DDX42: variants seen among roughly 807,000 people sequenced by gnomAD.
DDX42 encodes DEAD-box helicase 42, also known as ATP-dependent RNA helicase DDX42.
A neutral mutation model predicts 101.5 loss-of-function variants in DDX42; 22 were observed. That is an observed-to-expected ratio of 0.22 (90% CI 0.15 to 0.31). The LOEUF (loss-of-function observed/expected upper bound fraction) is 0.31, where lower values mean the gene tolerates loss of function less well. DDX42 is among the 10% of genes least tolerant of loss of function. The pLI is 1.00. For synonymous variants in DDX42, 402 were observed against 401.2 expected (o/e 1.00, Z -0.02); for missense variants, 849 against 1,199.9 (o/e 0.71, Z 4.32).
At chr17:63,779,013 T>C (rs891346264) in intron 1 of DDX42, among the ~76,000 whole-genome samples, 5 of 152,070 alleles carry the variant, frequency 3.3e-5, no homozygotes, top group Non-Finnish European at 7.4e-5. Context: ...AAATCATCAG[T>C]GGTTATTGGT....
At chr17:63,778,343 C>A (rs565995088) in intron 1 of DDX42, among the ~76,000 whole-genome samples, 1 of 152,234 alleles carries the variant, frequency 6.6e-6, no homozygotes, top group Non-Finnish European at 1.5e-5. Context: ...ATTCTTGGGA[C>A]AGTAGTCAGG....
intron 2 of DDX42, among the ~76,000 whole-genome samples, chr17:63,790,119 C>T (rs973590955): frequency 7.2e-5 from 11 of 151,988 alleles, no homozygotes; most frequent in African/African-American, 2.7e-4. Context: ...TGCACATCAG[C>T]CTGTATGTCA....
At chr17:63,780,938 A>G (rs1429047092) in intron 1 of DDX42, among the ~76,000 whole-genome samples, 1 of 151,972 alleles carries the variant, frequency 6.6e-6, no homozygotes, top group Non-Finnish European at 1.5e-5. Context: ...TTTTTCTGTC[A>G]TTTTGCATCT....
intron 2 of DDX42, among the ~76,000 whole-genome samples, chr17:63,791,862 A>G (rs2039631987): frequency 2.0e-5 from 3 of 151,942 alleles, no homozygotes; most frequent in Admixed American, 6.6e-5. Context: ...CCTGGCCAAC[A>G]TGGTGAAACC....
rs567500788 is a variant in DDX42 at position 63,807,808 on chromosome 17, A to T, written c.931A>T (p.Met311Leu). 4.3e-6 allele frequency: 7 copies of T among 1,614,176 alleles called. No individual in the cohort carries two copies. The African/African-American group carries it at 9.3e-5, about 22-fold the overall frequency. Residue 311 changes from methionine (M) to leucine (L), a missense_variant, in exon 9 of 18, where the codon ATG (methionine) becomes TTG (leucine). Physicochemically the swap from Met to Leu is conservative, Grantham distance 15. Transcript: ENST00000389924. Reference protein sequence around the residue: ...SGKTAAFIWPMLIHIMDQKEL... With the variant: ...SGKTAAFIWPLLIHIMDQKEL... Reference sequence around the variant, plus strand: ...GAAAACTGCAGCCTTCATTTGGCCCATGTTGATTCATATAATGGACCAGAA... The same window carrying T: ...GAAAACTGCAGCCTTCATTTGGCCCTTGTTGATTCATATAATGGACCAGAA...
intron 2 of DDX42, among the ~76,000 whole-genome samples, chr17:63,789,817 C>T (rs1324764038): frequency 3.9e-5 from 6 of 151,928 alleles, no homozygotes; most frequent in Non-Finnish European, 8.8e-5. Context: ...AGGTGATCTG[C>T]CTGCCTCGGC....
chr17:63,816,697 A>G (rs1420453150), intron 16 of DDX42, 171 bp from the exon 17 acceptor site: 1 of 453,596 alleles, frequency 2.2e-6, no homozygotes, highest in Non-Finnish European at 3.8e-6. Context: ...GGGCATAAGC[A>G]TTTTTAAATG....
chr17:63,801,032 CTCTT>C (rs894460716), intron 6 of DDX42, among the ~76,000 whole-genome samples: 7 of 137,514 alleles, frequency 5.1e-5, no homozygotes, highest in East Asian at 4.1e-4. Context: ...TTCTTCTCTT[CTCTT>C]TCTTCTCTTT....
At chr17:63,787,997 C>T (rs1034904978) in intron 2 of DDX42, among the ~76,000 whole-genome samples, 5 of 149,508 alleles carry the variant, frequency 3.3e-5, no homozygotes, top group Admixed American at 6.7e-5. Context: ...TTCAACCTCT[C>T]GAGTTCAAGT....
rs543179203 is a variant in DDX42 at position 63,792,328 on chromosome 17, A to G, written c.222-84A>G. ...ATTACATCTCCTAATAATAAGATAT[A>G]CCATAATAAAAATGTTGTTAAATGA... On this transcript the variant is annotated intron_variant, in intron 2 of 17. Coordinates refer to ENST00000389924, the MANE Select transcript of DDX42 (RefSeq NM_203499.3). The G allele has an allele frequency of 2.2e-5, 32 of 1,431,248 alleles. No homozygotes were observed. The Admixed American group carries it at 2.9e-4, about 13-fold the overall frequency. 88.7% of individuals were successfully genotyped at this position (1,431,248 alleles called of 1,614,324 possible). A position where few individuals can be genotyped will look rare whatever the true frequency, so the allele number is the denominator to read the frequency against.
rs2039886382 is a variant in DDX42 at position 63,809,726 on chromosome 17, CT to C, written c.1252+68del. On this transcript the variant is annotated intron_variant, in intron 11 of 17. Coordinates refer to ENST00000389924, the MANE Select transcript of DDX42 (RefSeq NM_203499.3). ...ATACTAGTTTTTTTTCCATGTCTTTCTAGACTGTTTTTTCAGCATGAGAGAA... is the reference window on the plus strand; with the variant it reads ...ATACTAGTTTTTTTTCCATGTCTTTCAGACTGTTTTTTCAGCATGAGAGAA... The C allele has an allele frequency of 3.0e-6, 4 of 1,323,816 alleles. No homozygotes were observed. In the South Asian group the frequency reaches 4.8e-5, roughly 16 times the overall value. 82.0% of individuals were successfully genotyped at this position (1,323,816 alleles called of 1,614,324 possible). A position where few individuals can be genotyped will look rare whatever the true frequency, so the allele number is the denominator to read the frequency against.
Position 63,816,927 on chromosome 17 carries a change from T to G in DDX42, c.2073T>G (p.Ala691=), listed in dbSNP as rs778844382. Reference sequence around the variant, plus strand: ...AGGCCTACAAGCCTTCCACAGGAGCTATGGGAGATCGACTAACGGCAATGA... The same window carrying G: ...AGGCCTACAAGCCTTCCACAGGAGCGATGGGAGATCGACTAACGGCAATGA... ...NYEAYKPSTG[A]MGDRLTAMKA... Residue 691 remains alanine, a synonymous_variant, in exon 17 of 18, where the codon GCT becomes GCG. Transcript: ENST00000389924. 1.9e-6 allele frequency: 3 copies of G among 1,613,942 alleles called. No individual in the cohort carries two copies. In the East Asian group the frequency reaches 6.7e-5, roughly 36 times the overall value.
intron 1 of DDX42, among the ~76,000 whole-genome samples, chr17:63,780,963 T>C (rs1478165350): frequency 6.6e-6 from 1 of 152,204 alleles, no homozygotes; most frequent in African/African-American, 2.4e-5. Flanking sequence ...TTTTTCAGAC[T>C]TTACTGGTTT....
Position 63,818,009 on chromosome 17 carries a change from T to G in DDX42, c.2428T>G (p.Tyr810Asp), listed in dbSNP as rs780565453. ...GGGCAGCAACGGGAAAAGAGAGAGA[T>G]ATACTGAGAACCGGGGCAGCAGCCG... ...TGGSNGKRER[Y>D]TENRGSSRHS... is the part of the protein sequence containing the mutation. The change falls in exon 18 of 18, where the codon TAT becomes GAT. Residue 810 changes from tyrosine to aspartate, a missense_variant. Physicochemically the swap from Tyr to Asp is radical, Grantham distance 160. Around this residue, in one of 5 missense-constraint regions of DDX42, gnomAD observed 300 missense variants for 304.9 expected, o/e 0.98. Transcript: ENST00000389924. 6.8e-6 allele frequency: 11 copies of G among 1,613,878 alleles called. No homozygotes were observed. The highest frequency in any genetic ancestry group is 7.6e-6 in the Non-Finnish European group (9 of 1,179,990).
At chr17:63,807,346 G>A (rs2039855200) in intron 8 of DDX42, among the ~76,000 whole-genome samples, 1 of 152,160 alleles carries the variant, frequency 6.6e-6, no homozygotes, top group African/African-American at 2.4e-5. Context: ...TCACCGTGTT[G>A]CCCAGGCTGG....
In DDX42 at chr17:63,811,815, GA is replaced by G. The variant is rs1253076259; in HGVS notation, c.1399-116del. ...GCACTTGACTTGCTGAAGGCCCAAG[GA>G]GAACTGGGATTGTTCAAGGTCTTCT... is the stretch of plus-strand genomic sequence containing the variant. On this transcript the variant is annotated intron_variant, in intron 13 of 17. Coordinates refer to ENST00000389924, the MANE Select transcript of DDX42 (RefSeq NM_203499.3). The G allele has an allele frequency of 1.0e-5, 14 of 1,373,962 alleles. No homozygotes were observed. In the Admixed American group the frequency reaches 2.0e-4, roughly 20 times the overall value. The allele number at this position is 1,373,962 out of a possible 1,614,324, so 85.1% of individuals were successfully genotyped here.
intron 4 of DDX42, chr17:63,799,368 A>G: frequency 2.3e-6 from 1 of 426,634 alleles, no homozygotes; most frequent in African/African-American, 2.0e-5. Context: ...TAGGGGTATC[A>G]TATCATCCCA....
intron 3 of DDX42, among the ~76,000 whole-genome samples, chr17:63,793,909 C>G (rs1209557849): frequency 6.8e-6 from 1 of 147,866 alleles, no homozygotes; most frequent in Non-Finnish European, 1.5e-5. Context: ...AAACCGAGAC[C>G]CAAGATAATT....
intron 3 of DDX42, among the ~76,000 whole-genome samples, chr17:63,797,498 T>C (rs1457591103): frequency 6.8e-6 from 1 of 147,984 alleles, no homozygotes; most frequent in East Asian, 2.0e-4. Context: ...TGGATAATTA[T>C]TTGTTGTGGG....
Sources: gnomAD v4.1 joint callset for allele counts (sites outside exome capture counted in the v4.1 genomes callset) on GRCh38, gnomAD v4.1.1 for gene constraint, gnomAD v4.1.1 regional missense constraint, MANE v1.5 for transcripts, NCBI Gene and HGNC (gene_info 2026-07-23, HGNC 2026-07-21) for gene names.